CELF4: variants seen among roughly 807,000 people sequenced by gnomAD.
CELF4 encodes CUG-BP- and ETR-3-like factor 4.
CELF4 carries 18 observed loss-of-function variants against 59.9 expected under a neutral mutation model. The ratio of observed to expected loss-of-function variants is 0.30; its 90% CI spans 0.21 to 0.45. CELF4 has a LOEUF of 0.45. CELF4 is among the 20% of genes least tolerant of loss of function. CELF4 has a pLI of 1.00. For synonymous variants in CELF4, 261 were observed against 267.1 expected, an observed-to-expected ratio of 0.98 and a Z score of 0.22; for missense variants, 456 against 689.0, an observed-to-expected ratio of 0.66 and a Z score of 3.79.
intron 11 of CELF4, among the ~76,000 whole-genome samples, chr18:37,258,738 C>T (rs1304540142): frequency 6.6e-6 from 1 of 152,156 alleles, no homozygotes; most frequent in Non-Finnish European, 1.5e-5. Flanking sequence ...GATTTAGCCT[C>T]GGGCTCAGGC....
rs548534928 is a variant in CELF4 at position 37,513,157 on chromosome 18, G to A, written c.287-27550C>T. 3.2e-4 allele frequency among the ~76,000 whole-genome samples: 48 copies of A among 152,270 alleles called. 1 individual carries two copies. The South Asian group carries it at 9.8e-3, about 31-fold the overall frequency. ...GTCCAGTCATGTGTGGTGCTGCTGCGGGAACTGAGAATGGAACAACAGCCC... is the reference window on the plus strand; with the variant it reads ...GTCCAGTCATGTGTGGTGCTGCTGCAGGAACTGAGAATGGAACAACAGCCC... On this transcript the variant is annotated intron_variant, in intron 1 of 12. Transcript: ENST00000420428.
chr18:37,467,443 C>T (rs368070513), intron 2 of CELF4, among the ~76,000 whole-genome samples: 2 of 152,106 alleles, frequency 1.3e-5, no homozygotes, highest in African/African-American at 4.8e-5. Flanking sequence ...AGAAGAAGGG[C>T]GGTGGCTTTA....
intron 2 of CELF4, among the ~76,000 whole-genome samples, chr18:37,443,183 G>T (rs2099737893): frequency 6.6e-6 from 1 of 152,080 alleles, no homozygotes. Flanking sequence ...GCCTCACAGG[G>T]GGCAACGCCC....
chr18:37,419,373 G>C (rs2099554636), intron 2 of CELF4, among the ~76,000 whole-genome samples: 1 of 152,202 alleles, frequency 6.6e-6, no homozygotes, highest in Non-Finnish European at 1.5e-5. Context: ...GAGAACCACT[G>C]GCACTCTGTG....
chr18:37,256,773 T>C (rs1349204820), intron 11 of CELF4, among the ~76,000 whole-genome samples: 1 of 152,062 alleles, frequency 6.6e-6, no homozygotes, highest in Non-Finnish European at 1.5e-5. Flanking sequence ...TTAGTAGAGA[T>C]GGAGGTTCAC....
rs912402387 is a variant in CELF4, at chr18:37,254,602, G to T, written c.1334-664C>A. Among the ~76,000 whole-genome samples, 1 of 152,146 alleles carries T rather than the reference G, an allele frequency of 6.6e-6. No homozygotes were observed. The highest frequency in any genetic ancestry group is 1.5e-5 in the Non-Finnish European group (1 of 68,010). On this transcript the variant is annotated intron_variant, in intron 11 of 12. Coordinates refer to ENST00000420428, the MANE Select transcript of CELF4 (RefSeq NM_020180.4). The surrounding 1 kb of genome is among the most constrained non-coding windows in gnomAD (Gnocchi z 5.1). ...GCGTCACCTCGCCCCGGGCGCCGTCGGCACCTCTCTTCTCCACGCCCTGCG... is the reference window on the plus strand; with the variant it reads ...GCGTCACCTCGCCCCGGGCGCCGTCTGCACCTCTCTTCTCCACGCCCTGCG...
chr18:37,511,789 G>A (rs1006154793), intron 1 of CELF4, among the ~76,000 whole-genome samples: 1 of 151,926 alleles, frequency 6.6e-6, no homozygotes, highest in East Asian at 1.9e-4. Context: ...AAGCTGGAGG[G>A]AATACAACTT....
chr18:37,403,218 G>A (rs770193213), intron 2 of CELF4, among the ~76,000 whole-genome samples: 2 of 152,100 alleles, frequency 1.3e-5, no homozygotes, highest in South Asian at 2.1e-4. Context: ...ACACAGTCCC[G>A]GGACAGCACA....
At chr18:37,313,629 C>T (rs2096755215) in intron 3 of CELF4, among the ~76,000 whole-genome samples, 1 of 152,208 alleles carries the variant, frequency 6.6e-6, no homozygotes, top group African/African-American at 2.4e-5. Flanking sequence ...GACGCTGCCC[C>T]CACCCAGGCC....
chr18:37,356,881 C>T (rs2098597041), intron 2 of CELF4, among the ~76,000 whole-genome samples: 1 of 152,168 alleles, frequency 6.6e-6, no homozygotes, highest in African/African-American at 2.4e-5. Context: ...CCTCAGGTGT[C>T]CATGCCCCAC....
At chr18:37,476,752 C>T (rs1052560227) in intron 2 of CELF4, among the ~76,000 whole-genome samples, 8 of 152,292 alleles carry the variant, frequency 5.3e-5, no homozygotes, top group East Asian at 1.9e-4. Flanking sequence ...TTCTCAGCCT[C>T]GTTTTCTGGC....
chr18:37,357,521 CA>C (rs2098613695), intron 2 of CELF4, among the ~76,000 whole-genome samples: 1 of 152,208 alleles, frequency 6.6e-6, no homozygotes, highest in Admixed American at 6.5e-5. Flanking sequence ...TCTGCTAGGG[CA>C]GTGCAGAAGG....
chr18:37,348,340 C>T (rs535460071), intron 2 of CELF4, among the ~76,000 whole-genome samples: 64 of 152,248 alleles, frequency 4.2e-4, no homozygotes, highest in African/African-American at 1.4e-3. Flanking sequence ...CCCAGCTTAC[C>T]CAGAAAGAAG....
intron 1 of CELF4, among the ~76,000 whole-genome samples, chr18:37,551,282 C>T (rs1352852538): frequency 6.6e-6 from 1 of 152,144 alleles, no homozygotes; most frequent in Non-Finnish European, 1.5e-5. Context: ...AATCTCCCTC[C>T]CCTAAAGAGC....
chr18:37,429,969 A>AGCAG (rs2099638130), intron 2 of CELF4, among the ~76,000 whole-genome samples: 1 of 152,172 alleles, frequency 6.6e-6, no homozygotes, highest in African/African-American at 2.4e-5. Context: ...CTGACTCTGA[A>AGCAG]GCAGGAAGTC....
At chr18:37,451,676 C>T (rs2099764476) in intron 2 of CELF4, among the ~76,000 whole-genome samples, 1 of 152,146 alleles carries the variant, frequency 6.6e-6, no homozygotes, top group Admixed American at 6.5e-5. Flanking sequence ...TGACAGGGGT[C>T]TCCGGGAGGG....
At chr18:37,384,599 G>A (rs1004337739) in intron 2 of CELF4, among the ~76,000 whole-genome samples, 1 of 152,156 alleles carries the variant, frequency 6.6e-6, no homozygotes, top group Non-Finnish European at 1.5e-5. Context: ...CATGTTGGGA[G>A]CCTTGCCAGG....
chr18:37,311,279 C>T (rs576523692), intron 3 of CELF4, among the ~76,000 whole-genome samples: 11 of 152,256 alleles, frequency 7.2e-5, no homozygotes, highest in Non-Finnish European at 1.2e-4. Context: ...GAGTTACAGA[C>T]GTATTTATAA....
chr18:37,242,893 C>T (rs533873506), downstream of CELF4, among the ~76,000 whole-genome samples: 32 of 152,294 alleles, frequency 2.1e-4, no homozygotes, highest in African/African-American at 7.7e-4. Context: ...CATCACCTCC[C>T]AGAAGAGCCT....
Sources: gnomAD v4.1 joint callset for allele counts (sites outside exome capture counted in the v4.1 genomes callset) on GRCh38, gnomAD v4.1.1 for gene constraint, Gnocchi (gnomAD v3.1) non-coding constraint, MANE v1.5 for transcripts, NCBI Gene and HGNC (gene_info 2026-07-23, HGNC 2026-07-21) for gene names.